Variants in KLHL1 observed in about 807,000 individuals in gnomAD.
The protein encoded by KLHL1 is kelch-like protein 1.
Under a neutral mutation model 77.7 loss-of-function variants are expected in KLHL1, and 47 were observed. The ratio of observed to expected loss-of-function variants is 0.60; its 90% confidence interval spans 0.48 to 0.77. The LOEUF is 0.77. KLHL1 is among the 30% of genes least tolerant of loss of function. The pLI, the probability that KLHL1 is intolerant of heterozygous loss-of-function variation, is 0.00. For synonymous variants in KLHL1, 360 were observed against 325.2 expected (o/e 1.11, Z -1.15); for missense variants, 925 against 910.8 (o/e 1.02, Z -0.20).
intron 1 of KLHL1, among the ~76,000 whole-genome samples, chr13:70,088,217 A>G (rs1374410335): frequency 6.6e-6 from 1 of 152,226 alleles, no homozygotes. Context: ...TTATAAAACA[A>G]CAACAACAAC....
intron 2 of KLHL1, among the ~76,000 whole-genome samples, chr13:69,962,920 G>A (rs986569864): frequency 6.6e-6 from 1 of 152,102 alleles, no homozygotes; most frequent in Non-Finnish European, 1.5e-5. Flanking sequence ...TTTTGAAGAA[G>A]ACTTTCCTAA....
intron 4 of KLHL1, among the ~76,000 whole-genome samples, chr13:69,930,033 ATTAT>A (rs1882950550): frequency 6.6e-6 from 1 of 151,836 alleles, no homozygotes; most frequent in East Asian, 1.9e-4. Flanking sequence ...TATCAGAAAA[ATTAT>A]TTATTTTAGG....
chr13:69,965,155 C>A (rs1884176691), intron 2 of KLHL1, among the ~76,000 whole-genome samples: 1 of 152,150 alleles, frequency 6.6e-6, no homozygotes, highest in Non-Finnish European at 1.5e-5. Flanking sequence ...TATTTTATTG[C>A]ATTTCACTTT....
intron 5 of KLHL1, among the ~76,000 whole-genome samples, chr13:69,871,661 C>A (rs1376358141): frequency 2.6e-5 from 4 of 151,932 alleles, no homozygotes; most frequent in Non-Finnish European, 5.9e-5. Flanking sequence ...CACAATCTAC[C>A]CTACATCATT....
chr13:69,871,149 A>T (rs968677345), intron 5 of KLHL1, among the ~76,000 whole-genome samples: 9 of 152,122 alleles, frequency 5.9e-5, no homozygotes, highest in African/African-American at 2.2e-4. Flanking sequence ...AGACTTAACA[A>T]GATATGGAAG....
intron 1 of KLHL1, among the ~76,000 whole-genome samples, chr13:70,079,512 T>TA (rs1271332277): frequency 1.3e-5 from 2 of 152,210 alleles, no homozygotes; most frequent in African/African-American, 4.8e-5. Flanking sequence ...ATATCCCATC[T>TA]AAAAATAAAT....
At chr13:69,707,567 G>A (rs982499418) in intron 10 of KLHL1, 58 bp downstream of exon 10, 69 of 1,513,170 alleles carry the variant, frequency 4.6e-5, no homozygotes, top group Non-Finnish European at 5.4e-5. Context: ...CTCCTCCACA[G>A]AAAGTAAATG....
At chr13:69,806,368 A>G (rs572454659) in intron 6 of KLHL1, among the ~76,000 whole-genome samples, 1 of 152,314 alleles carries the variant, frequency 6.6e-6, no homozygotes, top group African/African-American at 2.4e-5. Flanking sequence ...TAAGAGAACT[A>G]CAGATCAAGA....
intron 1 of KLHL1, among the ~76,000 whole-genome samples, chr13:70,042,160 A>G (rs145706440): frequency 6.1e-4 from 93 of 152,204 alleles, no homozygotes; most frequent in Middle Eastern, 3.4e-3. Flanking sequence ...AAGGAAAAAA[A>G]TGAAACCAAC....
chr13:69,708,564 G>A (rs1022234033), intron 9 of KLHL1, among the ~76,000 whole-genome samples: 2 of 151,948 alleles, frequency 1.3e-5, no homozygotes, highest in South Asian at 4.1e-4. Context: ...GGAAAGACTA[G>A]TAATTCAAGA....
chr13:70,104,669 A>ACAATACAATT (rs1476809201), intron 1 of KLHL1, among the ~76,000 whole-genome samples: 2 of 152,154 alleles, frequency 1.3e-5, no homozygotes, highest in Non-Finnish European at 2.9e-5. Flanking sequence ...ATTATTAAAT[A>ACAATACAATT]TGACATCATT....
At chr13:70,064,715 A>G (rs905028990) in intron 1 of KLHL1, among the ~76,000 whole-genome samples, 8 of 152,222 alleles carry the variant, frequency 5.3e-5, no homozygotes, top group African/African-American at 1.9e-4. Context: ...TACAATAAAT[A>G]ATTAACTTAG....
chr13:70,026,148 A>C (rs1885934778), intron 1 of KLHL1, among the ~76,000 whole-genome samples: 1 of 152,176 alleles, frequency 6.6e-6, no homozygotes, highest in African/African-American at 2.4e-5. Context: ...AGCAATAAAT[A>C]AATAATCTAG....
intron 4 of KLHL1, among the ~76,000 whole-genome samples, chr13:69,899,831 G>A (rs561267624): frequency 6.6e-6 from 1 of 152,116 alleles, no homozygotes; most frequent in Admixed American, 6.5e-5. Context: ...CATTAGAGAG[G>A]AAGCTCTCCA....
chr13:70,033,809 G>A (rs1046310754), intron 1 of KLHL1, among the ~76,000 whole-genome samples: 13 of 151,510 alleles, frequency 8.6e-5, no homozygotes, highest in Non-Finnish European at 1.2e-4. Context: ...TAGTAGAAAC[G>A]GGGTTTTACC....
At chr13:69,812,511 AG>A (rs1877926670) in intron 6 of KLHL1, among the ~76,000 whole-genome samples, 1 of 152,210 alleles carries the variant, frequency 6.6e-6, no homozygotes, top group Non-Finnish European at 1.5e-5. Flanking sequence ...GCACAGCAAA[AG>A]AAACTACCAT....
At chr13:69,746,974 C>T (rs745498111) in intron 7 of KLHL1, among the ~76,000 whole-genome samples, 4 of 152,020 alleles carry the variant, frequency 2.6e-5, no homozygotes, top group Non-Finnish European at 5.9e-5. Flanking sequence ...CTGTAGCCAG[C>T]CCTAGCTGCC....
intron 7 of KLHL1, among the ~76,000 whole-genome samples, chr13:69,750,447 A>G (rs570538167): frequency 6.6e-6 from 1 of 151,902 alleles, no homozygotes. Flanking sequence ...GATAAGTAAA[A>G]TTATACATAT....
At chr13:69,836,902 AT>A (rs1356991098) in intron 6 of KLHL1, among the ~76,000 whole-genome samples, 1 of 152,018 alleles carries the variant, frequency 6.6e-6, no homozygotes, top group Non-Finnish European at 1.5e-5. Flanking sequence ...ATCAGTATTC[AT>A]TATTATATAT....
Sources: gnomAD v4.1 joint callset for allele counts (sites outside exome capture counted in the v4.1 genomes callset) on GRCh38, gnomAD v4.1.1 for gene constraint, MANE v1.5 for transcripts, NCBI Gene and HGNC (gene_info 2026-07-23, HGNC 2026-07-21) for gene names.